The following ZZEF1 variants were observed in gnomAD, a reference collection of about 807,000 sequenced individuals.
ZZEF1 encodes zinc finger ZZ-type and EF-hand domain-containing protein 1.
ZZEF1 carries 157 observed loss-of-function variants against 342.8 expected under a neutral mutation model. That is an observed-to-expected ratio of 0.46 (90% CI 0.40 to 0.52). The LOEUF is 0.52. ZZEF1 is among the 20% of genes least tolerant of loss of function. ZZEF1 has a pLI of 0.00. For missense variants in ZZEF1, 3,480 were observed against 3,725.6 expected (o/e 0.93, Z 1.72); for synonymous variants, 1,505 against 1,429.1 (o/e 1.05, Z -1.20).
Position 4,075,308 on chromosome 17 carries a change from G to A in ZZEF1, c.3356C>T (p.Thr1119Ile), listed in dbSNP as rs763428771. ...EVSVFVSPGA[T>I]YFEVEFDDRC... Reference sequence around the variant, plus strand: ...GTCATCGAATTCCACTTCAAAATAGGTTGCCCCTGGGCTAACAAAGACGGA... The same window carrying A: ...GTCATCGAATTCCACTTCAAAATAGATTGCCCCTGGGCTAACAAAGACGGA... The change falls in exon 22 of 55, where the codon ACC (threonine) becomes ATC (isoleucine). Residue 1119 changes from threonine to isoleucine, a missense_variant. Thr to Ile is a moderately conservative substitution (Grantham distance 89). Transcript: ENST00000381638. The A allele has an allele frequency of 4.3e-6, 7 of 1,614,104 alleles. No individual in the cohort carries two copies. The highest frequency in any genetic ancestry group is 1.7e-5 in the Admixed American group (1 of 60,012).
chr17:4,091,406 T>C (rs868190549), intron 11 of ZZEF1, among the ~76,000 whole-genome samples: 1 of 152,250 alleles, frequency 6.6e-6, no homozygotes, highest in Middle Eastern at 3.2e-3. Context: ...TGAAGAGATG[T>C]CTTCTCTTCT....
At chr17:4,119,652 C>T (rs1306378982) in intron 2 of ZZEF1, among the ~76,000 whole-genome samples, 1 of 152,204 alleles carries the variant, frequency 6.6e-6, no homozygotes, top group African/African-American at 2.4e-5. Context: ...TGATTTTCCA[C>T]AATTTCAGCC....
chr17:4,044,265 G>A lies in ZZEF1; in HGVS notation c.6125C>T (p.Ser2042Leu), dbSNP rs1428818515. Residue 2042 changes from serine (S) to leucine (L), a missense_variant, in exon 38 of 55, where the codon TCA becomes TTA. Ser to Leu is a moderately radical substitution (Grantham distance 145). Transcript: ENST00000381638. ...TGGGCTAGCATCTGCAGGTGAATCT[G>A]AAATTTGGGTCTGGCATGAAGGATC... ...SKDPSCQTQI[S>L]DSPADASPPT... 3 of 1,614,168 alleles carry A rather than the reference G, an allele frequency of 1.9e-6. No individual in the cohort carries two copies. The African/African-American group carries it at 4.0e-5, about 22-fold the overall frequency.
chr17:4,135,908 G>A (rs1194698362), intron 1 of ZZEF1, among the ~76,000 whole-genome samples: 2 of 151,704 alleles, frequency 1.3e-5, no homozygotes, highest in Non-Finnish European at 2.9e-5. Flanking sequence ...TTTGCATCAT[G>A]ACCTAGCATA....
intron 30 of ZZEF1, 55 bp from the exon 31 acceptor site, chr17:4,059,345 A>G (rs2057236694): frequency 1.3e-6 from 2 of 1,564,258 alleles, no homozygotes; most frequent in Non-Finnish European, 1.7e-6. Flanking sequence ...CTTTTTCTTA[A>G]TAATAATAAT....
rs76075906 is a variant in ZZEF1, at chr17:4,009,948, C to A, written c.8580-191G>T. On this transcript the variant is annotated intron_variant, in intron 52 of 54. Transcript: ENST00000381638. ...CACCAACAGCAAAGAAGGAAAGGGG[C>A]AGAACCTAAACTTTAAAACCAGGCT... 1.2e-3 allele frequency among the ~76,000 whole-genome samples: 189 copies of A among 152,268 alleles called. 1 individual carries two copies. The East Asian group carries it at 0.027, about 22-fold the overall frequency.
intron 33 of ZZEF1, 104 bp from the exon 34 acceptor site, chr17:4,054,299 T>C: frequency 7.8e-7 from 1 of 1,277,988 alleles, no homozygotes; most frequent in East Asian, 2.4e-5. Context: ...TTCCAGGCAT[T>C]GTACTAAGTG....
intron 35 of ZZEF1, 83 bp from the exon 36 acceptor site, chr17:4,051,126 G>C: frequency 6.3e-7 from 1 of 1,591,816 alleles, no homozygotes; most frequent in African/African-American, 1.3e-5. Flanking sequence ...CCTTAGGAGA[G>C]CATGTGGTCG....
At chr17:4,090,293 T>C (rs1399648553) in intron 12 of ZZEF1, among the ~76,000 whole-genome samples, 1 of 140,728 alleles carries the variant, frequency 7.1e-6, no homozygotes, top group African/African-American at 2.8e-5. Flanking sequence ...CCACACACTG[T>C]AGCCTGGCTA....
intron 6 of ZZEF1, among the ~76,000 whole-genome samples, chr17:4,108,113 G>A (rs938592267): frequency 3.9e-5 from 6 of 152,130 alleles, no homozygotes; most frequent in South Asian, 2.1e-4. Context: ...TCAAAGTACC[G>A]CCTTCAACGT....
intron 3 of ZZEF1, among the ~76,000 whole-genome samples, chr17:4,116,244 A>G (rs1197013327): frequency 2.6e-5 from 4 of 152,176 alleles, no homozygotes; most frequent in Admixed American, 2.6e-4. Context: ...GCTCGAACCC[A>G]GGAGGTGGAG....
intron 25 of ZZEF1, 61 bp downstream of exon 25, chr17:4,072,547 A>G: frequency 1.3e-6 from 2 of 1,523,588 alleles, no homozygotes; most frequent in Non-Finnish European, 1.8e-6. Flanking sequence ...TATAACTTAA[A>G]GTAATAAATA....
chr17:4,123,793 A>G, intron 2 of ZZEF1, 114 bp downstream of exon 2: 1 of 1,191,686 alleles, frequency 8.4e-7, no homozygotes, highest in South Asian at 1.7e-5. Flanking sequence ...TCGGGAGCCT[A>G]ATGAACACTG....
chr17:4,043,584 G>C (rs1291067094), intron 38 of ZZEF1, among the ~76,000 whole-genome samples: 1 of 152,158 alleles, frequency 6.6e-6, no homozygotes. Flanking sequence ...AGCCAGCTCT[G>C]ACCTTGCTGC....
intron 42 of ZZEF1, 35 bp from the exon 43 acceptor site, chr17:4,025,153 C>T: frequency 6.3e-7 from 1 of 1,599,750 alleles, no homozygotes; most frequent in Non-Finnish European, 8.6e-7. Flanking sequence ...AAGAAAGGCA[C>T]AAAAGTACAG....
At chr17:4,105,549 T>C in intron 7 of ZZEF1, 144 bp downstream of exon 7, 1 of 659,024 alleles carries the variant, frequency 1.5e-6, no homozygotes, top group Non-Finnish European at 2.6e-6. Context: ...GAGTGAACTA[T>C]TATGTCACTT....
chr17:4,064,704 G>C lies in ZZEF1; in HGVS notation c.4375C>G (p.Arg1459Gly), dbSNP rs770953703. The change falls in exon 29 of 55, where the codon CGT becomes GGT. Residue 1459 changes from arginine (R) to glycine (G), a missense_variant. Physicochemically the swap from Arg to Gly is moderately radical, Grantham distance 125 (BLOSUM62 -2). Transcript: ENST00000381638. ...ETSHLQPLNK[R>G]QRTSSVVEEH... is the part of the protein sequence containing the mutation. ...TCCACCACAGAGCTTGTCCTCTGACGCTTGTTGAGTGGCTGGAGATGACTG... is the reference window on the plus strand; with the variant it reads ...TCCACCACAGAGCTTGTCCTCTGACCCTTGTTGAGTGGCTGGAGATGACTG... 1.2e-6 allele frequency: 2 copies of C among 1,614,208 alleles called. No homozygotes were observed. Among genetic ancestry groups the C allele is most frequent in the South Asian group, 1.1e-5 (1 of 91,088 alleles).
intron 5 of ZZEF1, among the ~76,000 whole-genome samples, chr17:4,111,734 T>C (rs1161271144): frequency 7.0e-6 from 1 of 142,164 alleles, no homozygotes; most frequent in African/African-American, 2.6e-5. Context: ...TATAAACATA[T>C]ATAAAAACAT....
chr17:4,081,434 A>G lies in ZZEF1; in HGVS notation c.2771T>C (p.Met924Thr), dbSNP rs768212990. Residue 924 changes from methionine to threonine, a missense_variant, in exon 18 of 55, where the codon ATG becomes ACG. Around this residue, in one of 5 missense-constraint regions of ZZEF1, gnomAD observed 1,528 missense variants for 1,624.1 expected, o/e 0.94. Coordinates refer to ENST00000381638, the MANE Select transcript of ZZEF1 (RefSeq NM_015113.4). ...GACCGCCAGGACTTCACTGATGTTC[A>G]TCTTGGCCAGGTCGTTCTTCTCAGG... The part of the protein sequence containing the change: ...LLPEKNDLAK[M>T]NISEVLAVMD... The G allele has an allele frequency of 2.5e-5, 40 of 1,613,996 alleles. No individual in the cohort carries two copies. The highest frequency in any genetic ancestry group is 3.3e-5 in the Non-Finnish European group (39 of 1,180,030).
Sources: gnomAD v4.1 joint callset for allele counts (sites outside exome capture counted in the v4.1 genomes callset) on GRCh38, gnomAD v4.1.1 for gene constraint, gnomAD v4.1.1 regional missense constraint, MANE v1.5 for transcripts, NCBI Gene and HGNC (gene_info 2026-07-23, HGNC 2026-07-21) for gene names.